Variants in ZNF410 observed in about 807,000 individuals in gnomAD.
The protein encoded by ZNF410 is another partner for ARF 1.
Under a neutral mutation model 54.8 loss-of-function variants are expected in ZNF410, and 18 were observed. The observed-to-expected ratio is 0.33, with a 90% CI of 0.23 to 0.49. The LOEUF is 0.49. Ranked by LOEUF, ZNF410 falls within the 20% of genes least tolerant of loss-of-function variation. The pLI is 0.99. For missense variants in ZNF410, 405 were observed against 569.6 expected, an observed-to-expected ratio of 0.71 and a Z score of 2.94; for synonymous variants, 191 against 207.3, an observed-to-expected ratio of 0.92 and a Z score of 0.68.
In ZNF410 at chr14:73,896,390, G is replaced by A. The variant is rs1283371197; in HGVS notation, c.244G>A (p.Val82Met). ...TGTTTTGAGAAGCCTTCGGGTGAAT[G>A]TGGGTCCAGACGGAGAGGAGACGAG... ...SAVLRSLRVN[V>M]GPDGEETRAQ... Residue 82 changes from valine (V) to methionine (M), a missense_variant, in exon 4 of 12, where the codon GTG (valine) becomes ATG (methionine). Around this residue, in one of 3 missense-constraint regions of ZNF410, gnomAD observed 247 missense variants for 342.8 expected, o/e 0.72. Coordinates refer to ENST00000555044, the MANE Select transcript of ZNF410 (RefSeq NM_021188.3). 1.2e-6 allele frequency: 2 copies of A among 1,614,084 alleles called. No individual in the cohort carries two copies. Among genetic ancestry groups the A allele is most frequent in the East Asian group, 2.2e-5 (1 of 44,890 alleles).
intron 5 of ZNF410, among the ~76,000 whole-genome samples, chr14:73,900,498 C>T (rs866426244): frequency 2.0e-5 from 3 of 151,676 alleles, no homozygotes; most frequent in Non-Finnish European, 4.4e-5. Context: ...CTCAGCCTCC[C>T]GAGTAGCTGG....
At chr14:73,930,706 G>A (rs1303927557) in intron 11 of ZNF410, among the ~76,000 whole-genome samples, 1 of 149,306 alleles carries the variant, frequency 6.7e-6, no homozygotes, top group African/African-American at 2.5e-5. Flanking sequence ...GGGCTCAAGT[G>A]ATCCTCCTCC....
At chr14:73,909,616 G>GGA in intron 8 of ZNF410, 186 bp downstream of exon 8, 2 of 461,760 alleles carry the variant, frequency 4.3e-6, no homozygotes, top group South Asian at 3.0e-5. Flanking sequence ...TTGGGGGGGG[G>GGA]ACATCTAATT....
At chr14:73,929,355 G>A (rs1173130121) in intron 11 of ZNF410, among the ~76,000 whole-genome samples, 2 of 152,100 alleles carry the variant, frequency 1.3e-5, no homozygotes, top group African/African-American at 2.4e-5. Flanking sequence ...TCCAGTGAGT[G>A]AGGAATGTTG....
At chr14:73,927,230 C>G (rs2055847587) in intron 11 of ZNF410, 2 of 229,246 alleles carry the variant, frequency 8.7e-6, no homozygotes, top group Non-Finnish European at 9.4e-6. Context: ...GGACCACAGG[C>G]AGGTGCCACC....
chr14:73,919,147 A>T (rs147421809), intron 8 of ZNF410, among the ~76,000 whole-genome samples: 2,480 of 149,236 alleles, frequency 0.017, 70 homozygotes, highest in African/African-American at 0.058. Context: ...CTGGGATTAT[A>T]TGCGCCCGCC....
chr14:73,912,866 G>T (rs989244544), intron 8 of ZNF410, among the ~76,000 whole-genome samples: 4 of 149,298 alleles, frequency 2.7e-5, no homozygotes. Context: ...AGTTTTAGTA[G>T]TTTCTTTTTT....
At chr14:73,892,249 A>T in intron 2 of ZNF410, 41 bp downstream of exon 2, 1 of 1,606,478 alleles carries the variant, frequency 6.2e-7, no homozygotes, top group Admixed American at 1.7e-5. Context: ...TTGGTGGGCT[A>T]TATTTCAAAG....
chr14:73,903,560 G>A, intron 5 of ZNF410: 1 of 169,554 alleles, frequency 5.9e-6, no homozygotes, highest in Non-Finnish European at 1.3e-5. Flanking sequence ...TGCAGTCACA[G>A]CTCACTATAG....
rs1272410977 is a variant in ZNF410, at chr14:73,894,405, C to T, written c.169+473C>T. ...AGGATGGAAAGTCAGGCTGCAGTGA[C>T]TTGAGTATACATACTTGCTTTTTTT... On this transcript the variant is annotated intron_variant, in intron 3 of 11. Coordinates refer to ENST00000555044, the MANE Select transcript of ZNF410 (RefSeq NM_021188.3). 2.9e-5 allele frequency: 20 copies of T among 696,208 alleles called. No individual in the cohort carries two copies. The Middle Eastern group carries it at 1.2e-3, about 40-fold the overall frequency. The allele number at this position is 696,208 out of a possible 1,614,324, so 43.1% of individuals were successfully genotyped here.
chr14:73,931,334 C>T (rs906906675), intron 11 of ZNF410, among the ~76,000 whole-genome samples, 169 bp from the exon 12 acceptor site: 1 of 152,168 alleles, frequency 6.6e-6, no homozygotes, highest in Non-Finnish European at 1.5e-5. Context: ...TGTCCCAAGG[C>T]CACAGTGACA....
chr14:73,918,025 G>A (rs1194676057), intron 8 of ZNF410, among the ~76,000 whole-genome samples: 1 of 152,126 alleles, frequency 6.6e-6, no homozygotes, highest in Non-Finnish European at 1.5e-5. Flanking sequence ...CTAGATTACT[G>A]ATAGTACCTA....
intron 3 of ZNF410, chr14:73,894,482 C>G: frequency 2.9e-6 from 2 of 687,654 alleles, no homozygotes; most frequent in Non-Finnish European, 5.3e-6. Context: ...AGTGTAGTGA[C>G]GCAATCTTGG....
Position 73,932,175 on chromosome 14 carries a change from A to G in ZNF410, c.*634A>G, listed in dbSNP as rs2055926399. The G allele has an allele frequency of 2.8e-6, 1 of 357,010 alleles. No homozygotes were observed. Among genetic ancestry groups the G allele is most frequent in the Admixed American group, 4.1e-5 (1 of 24,576 alleles). The allele number at this position is 357,010 out of a possible 1,614,324, so 22.1% of individuals were successfully genotyped here. ...TGCTTTCTTCGTTAATGGAACATAC[A>G]GTAGCATGTTAAGAGGGATTTCATG... On this transcript the variant is annotated 3_prime_UTR_variant, in exon 12 of 12. Transcript: ENST00000555044.
At chr14:73,922,237 A>G in intron 10 of ZNF410, 31 bp downstream of exon 10, 1 of 1,604,840 alleles carries the variant, frequency 6.2e-7, no homozygotes. Context: ...TTATTTGGGA[A>G]AAATGGGCTG....
chr14:73,931,414 A>G, intron 11 of ZNF410, 89 bp from the exon 12 acceptor site: 1 of 1,178,510 alleles, frequency 8.5e-7, no homozygotes, highest in Non-Finnish European at 1.2e-6. Context: ...TGCATTCTCC[A>G]TCCTCCACTC....
chr14:73,903,654 TTTTG>T (rs1030826486), intron 5 of ZNF410: 68 of 302,612 alleles, frequency 2.2e-4, no homozygotes, highest in Middle Eastern at 2.0e-3. Context: ...CCTGTCTAAT[TTTTG>T]TTTGTTTGTT....
Position 73,896,388 on chromosome 14 carries a change from A to T in ZNF410, c.242A>T (p.Asn81Ile). The T allele has an allele frequency of 6.2e-7, 1 of 1,614,204 alleles. No individual in the cohort carries two copies. The change falls in exon 4 of 12, where the codon AAT (asparagine) becomes ATT (isoleucine). Residue 81 changes from asparagine (N) to isoleucine (I), a missense_variant. Physicochemically the swap from Asn to Ile is moderately radical, Grantham distance 149 (BLOSUM62 -3). Coordinates refer to ENST00000555044, the MANE Select transcript of ZNF410 (RefSeq NM_021188.3). Reference sequence around the variant, plus strand: ...GCTGTTTTGAGAAGCCTTCGGGTGAATGTGGGTCCAGACGGAGAGGAGACG... The same window carrying T: ...GCTGTTTTGAGAAGCCTTCGGGTGATTGTGGGTCCAGACGGAGAGGAGACG... The part of the protein sequence containing the change: ...SSAVLRSLRV[N>I]VGPDGEETRA...
intron 5 of ZNF410, among the ~76,000 whole-genome samples, chr14:73,899,397 C>A (rs2055372264): frequency 6.6e-6 from 1 of 151,980 alleles, no homozygotes; most frequent in African/African-American, 2.4e-5. Flanking sequence ...TGTGAGCAAC[C>A]ATCCCCAGCC....
Sources: allele counts gnomAD v4.1 joint callset (sites outside exome capture counted in the v4.1 genomes callset), GRCh38; gene constraint gnomAD v4.1.1; regional missense constraint gnomAD v4.1.1; transcripts MANE v1.5; gene names NCBI Gene and HGNC (gene_info 2026-07-23, HGNC 2026-07-21).